RNF17: variants seen among roughly 807,000 people sequenced by gnomAD.
RNF17 encodes ring finger protein 17.
A neutral mutation model predicts 200.5 loss-of-function variants in RNF17; 31 were observed. The ratio of observed to expected loss-of-function variants is 0.15; its 90% CI spans 0.12 to 0.21. The LOEUF (loss-of-function observed/expected upper bound fraction) is 0.21, where lower values mean the gene tolerates loss of function less well. RNF17 is among the 10% of genes least tolerant of loss of function. RNF17 has a pLI of 1.00. For missense variants in RNF17, 1,628 were observed against 1,905.1 expected (o/e 0.85, Z 2.71); for synonymous variants, 606 against 637.8 (o/e 0.95, Z 0.75).
chr13:24,884,112 T>A (rs1474469965), downstream of RNF17: 7 of 1,603,404 alleles, frequency 4.4e-6, no homozygotes, highest in Middle Eastern at 3.3e-4. Context: ...CAGTAAATAT[T>A]TTTTGAAGGA....
chr13:24,851,497 C>T lies in RNF17; in HGVS notation c.3246C>T (p.Cys1082=), dbSNP rs750527970. ...GGCCATTACCTGTGAAAATTTTCTG[C>T]AGAGATGAAAAAGGAGAGCGTGTTG... is the stretch of plus-strand genomic sequence containing the variant. ...TTWPLPVKIF[C]RDEKGERVDV... is the part of the protein sequence containing the mutation. The change falls in exon 24 of 36, where the codon TGC becomes TGT. Residue 1082 remains cysteine, a synonymous_variant. Transcript: ENST00000255324. The T allele has an allele frequency of 3.7e-6, 6 of 1,612,940 alleles. No individual in the cohort carries two copies. The highest frequency in any genetic ancestry group is 1.1e-5 in the South Asian group (1 of 90,818).
At chr13:24,865,532 A>G (rs1422209799) in intron 29 of RNF17, among the ~76,000 whole-genome samples, 1 of 152,210 alleles carries the variant, frequency 6.6e-6, no homozygotes, top group Non-Finnish European at 1.5e-5. Context: ...TCAAGCTGCT[A>G]TAAATCTTTT....
At chr13:24,843,243 G>A (rs1170243230) in intron 19 of RNF17, among the ~76,000 whole-genome samples, 1 of 152,192 alleles carries the variant, frequency 6.6e-6, no homozygotes, top group African/African-American at 2.4e-5. Flanking sequence ...ACTGGGCCGG[G>A]CACAGTGGCT....
chr13:24,814,123 G>T (rs781624254), intron 15 of RNF17, among the ~76,000 whole-genome samples: 70 of 152,116 alleles, frequency 4.6e-4, no homozygotes, highest in Non-Finnish European at 8.7e-4. Flanking sequence ...ATCATAAAGA[G>T]AAAATATATT....
intron 15 of RNF17, among the ~76,000 whole-genome samples, chr13:24,821,306 G>C (rs921563081): frequency 3.9e-5 from 6 of 152,156 alleles, no homozygotes; most frequent in Non-Finnish European, 7.3e-5. Flanking sequence ...TCATATTTGA[G>C]ATACTGGAGA....
chr13:24,790,755 C>T (rs2137635629), intron 9 of RNF17, among the ~76,000 whole-genome samples: 1 of 152,232 alleles, frequency 6.6e-6, no homozygotes, highest in East Asian at 1.9e-4. Flanking sequence ...AATGCTGTGT[C>T]CTCACATGGC....
chr13:24,791,405 G>GT (rs1883838227), intron 9 of RNF17, among the ~76,000 whole-genome samples: 1 of 152,124 alleles, frequency 6.6e-6, no homozygotes, highest in Admixed American at 6.6e-5. Context: ...GATGGATTGT[G>GT]GTATTCATCA....
At chr13:24,879,666 T>C (rs996955972) in intron 35 of RNF17, 71 bp from the exon 36 acceptor site, 2 of 163,942 alleles carry the variant, frequency 1.2e-5, no homozygotes, top group Non-Finnish European at 2.6e-5. Flanking sequence ...ATCTTGTCCA[T>C]AAGAAATGAT....
intron 9 of RNF17, among the ~76,000 whole-genome samples, chr13:24,792,797 A>G (rs567104957): frequency 2.0e-5 from 3 of 152,308 alleles, no homozygotes; most frequent in East Asian, 3.9e-4. Context: ...ATGAAACCCA[A>G]TCTTATCTCA....
downstream of RNF17, among the ~76,000 whole-genome samples, chr13:24,881,709 G>A (rs143082767): frequency 0.017 from 2,495 of 147,154 alleles, 34 homozygotes; most frequent in South Asian, 0.035. Flanking sequence ...GATTATCTAG[G>A]TATACAGATA....
the RNF17 span, among the ~76,000 whole-genome samples, chr13:24,755,810 C>A: frequency 3.3e-5 from 5 of 152,228 alleles, no homozygotes; most frequent in South Asian, 1.0e-3. Context: ...CCACAAGGAG[C>A]CAAATTACTT....
At chr13:24,763,543 A>C (rs1374359924), upstream of RNF17, among the ~76,000 whole-genome samples, 2 of 152,014 alleles carry the variant, frequency 1.3e-5, no homozygotes, top group African/African-American at 4.8e-5. Context: ...ACTGTCTCTA[A>C]CACAGGTCCG....
chr13:24,868,542 ATAATG>A (rs1293914362), intron 30 of RNF17, 53 bp from the exon 31 acceptor site: 12 of 733,872 alleles, frequency 1.6e-5, no homozygotes, highest in Non-Finnish European at 2.8e-5. Context: ...ATGAATTTTT[ATAATG>A]TAATAGATTT....
intron 9 of RNF17, among the ~76,000 whole-genome samples, chr13:24,790,839 G>C (rs1466436114): frequency 2.0e-5 from 3 of 152,106 alleles, no homozygotes; most frequent in African/African-American, 7.2e-5. Context: ...GCAAAAAAGG[G>C]CATAAGCTAG....
intron 11 of RNF17, 22 bp from the exon 12 acceptor site, chr13:24,799,373 A>T: frequency 1.3e-6 from 2 of 1,570,766 alleles, no homozygotes; most frequent in South Asian, 1.1e-5. Flanking sequence ...GTTTATAACG[A>T]TTTGTTTCCC....
At position 24,870,756 on chromosome 13, in the gene RNF17, T is replaced by G. The variant is rs1241055635; in HGVS notation, c.4447+17T>G. 6.2e-7 allele frequency: 1 copy of G among 1,608,682 alleles called. No homozygotes were observed. Among genetic ancestry groups the G allele is most frequent in the African/African-American group, 1.3e-5 (1 of 74,716 alleles). On this transcript the variant is annotated intron_variant, in intron 32 of 35. Coordinates refer to ENST00000255324, the MANE Select transcript of RNF17 (RefSeq NM_031277.3). ...TTAGAACAGGTATACTTACTATATT[T>G]GAATGAAACAGGATACTTAATAAAA...
At chr13:24,867,092 A>T (rs1175301368) in intron 30 of RNF17, among the ~76,000 whole-genome samples, 2 of 152,160 alleles carry the variant, frequency 1.3e-5, no homozygotes, top group African/African-American at 4.8e-5. Flanking sequence ...AATCTATTTG[A>T]GTTATTTATC....
rs1306301244 is a variant in RNF17 at position 24,830,471 on chromosome 13, A to G, written c.2246-13A>G. ...TTCCAAGTTTGTAATTTCTAATTTC[A>G]TAATTTTTCAAGGATTGCCTGGACA... is the stretch of plus-strand genomic sequence containing the variant. On this transcript the variant is annotated splice_polypyrimidine_tract_variant and intron_variant, in intron 16 of 35. Coordinates refer to ENST00000255324, the MANE Select transcript of RNF17 (RefSeq NM_031277.3). 18 of 1,512,412 alleles carry G rather than the reference A, an allele frequency of 1.2e-5. No homozygotes were observed. The Admixed American group carries it at 3.1e-4, about 26-fold the overall frequency. 93.7% of individuals were successfully genotyped at this position (1,512,412 alleles called of 1,614,324 possible). A position where few individuals can be genotyped will look rare whatever the true frequency, so the allele number is the denominator to read the frequency against.
At chr13:24,873,478 T>C (rs1237379143) in intron 32 of RNF17, among the ~76,000 whole-genome samples, 1 of 152,238 alleles carries the variant, frequency 6.6e-6, no homozygotes, top group African/African-American at 2.4e-5. Context: ...GTACATGTGA[T>C]ATTACCTGCA....
Sources: allele counts gnomAD v4.1 joint callset (sites outside exome capture counted in the v4.1 genomes callset), GRCh38; gene constraint gnomAD v4.1.1; transcripts MANE v1.5; gene names NCBI Gene and HGNC (gene_info 2026-07-23, HGNC 2026-07-21).